FSIP1: variants seen among roughly 807,000 people sequenced by gnomAD.
FSIP1 encodes fibrous sheath interacting protein 1.
FSIP1 carries 65 observed loss-of-function variants against 60.9 expected under a neutral mutation model. The ratio of observed to expected loss-of-function variants is 1.07; its 90% CI spans 0.87 to 1.31. The LOEUF is 1.31. FSIP1 is among the 40% of genes most tolerant of loss of function. The pLI, the probability that FSIP1 is intolerant of heterozygous loss-of-function variation, is 0.00. For synonymous variants in FSIP1, 209 were observed against 221.2 expected, an observed-to-expected ratio of 0.94 and a Z score of 0.49; for missense variants, 675 against 665.5, an observed-to-expected ratio of 1.01 and a Z score of -0.16.
chr15:39,650,888 A>G (rs927878132), intron 10 of FSIP1, among the ~76,000 whole-genome samples: 1 of 152,262 alleles, frequency 6.6e-6, no homozygotes, highest in Admixed American at 6.5e-5. Flanking sequence ...AATAAAAACA[A>G]TTCCTATTAA....
At chr15:39,652,561 T>G (rs538405104) in intron 10 of FSIP1, among the ~76,000 whole-genome samples, 3 of 152,354 alleles carry the variant, frequency 2.0e-5, no homozygotes, top group African/African-American at 7.2e-5. Flanking sequence ...TCCATTTTTT[T>G]TCTTAATCTT....
chr15:39,713,773 G>A (rs143979942), intron 9 of FSIP1, among the ~76,000 whole-genome samples, 192 bp from the exon 10 acceptor site: 22 of 152,278 alleles, frequency 1.4e-4, no homozygotes, highest in Admixed American at 2.6e-4. Context: ...CATATAACAA[G>A]TAGGAAAGGA....
chr15:39,676,044 G>A (rs1893925168), intron 10 of FSIP1, among the ~76,000 whole-genome samples: 1 of 151,506 alleles, frequency 6.6e-6, no homozygotes, highest in African/African-American at 2.4e-5. Flanking sequence ...GTGGCAGTGT[G>A]TGCCTGTAGT....
rs539275492 is a variant in FSIP1 at position 39,744,121 on chromosome 15, G to A, written c.560-2221C>T. Among the ~76,000 whole-genome samples, 3 of 152,180 alleles carry A rather than the reference G, an allele frequency of 2.0e-5. No homozygotes were observed. The East Asian group carries it at 5.8e-4, about 29-fold the overall frequency. ...TATATGTGTGTCCTTGTGTGGAGAG[G>A]GAAAGAGAAAAGAGAATGTGGTAAA... On this transcript the variant is annotated intron_variant, in intron 5 of 11. Coordinates refer to ENST00000350221, the MANE Select transcript of FSIP1 (RefSeq NM_152597.5).
At chr15:39,751,031 C>T (rs1897146102) in intron 5 of FSIP1, among the ~76,000 whole-genome samples, 1 of 151,904 alleles carries the variant, frequency 6.6e-6, no homozygotes, top group Admixed American at 6.6e-5. Flanking sequence ...AGGTGCTCAA[C>T]ATCACTAATC....
chr15:39,749,281 G>A (rs915512105), intron 5 of FSIP1, among the ~76,000 whole-genome samples: 10 of 59,698 alleles, frequency 1.7e-4, no homozygotes, highest in African/African-American at 9.3e-4. Context: ...AAAAAACCAG[G>A]CTAGAGGGGA....
chr15:39,641,962 C>T (rs1892388100), intron 10 of FSIP1, among the ~76,000 whole-genome samples: 1 of 152,104 alleles, frequency 6.6e-6, no homozygotes, highest in African/African-American at 2.4e-5. Context: ...TATAGAAATG[C>T]AAATTGCAGT....
intron 10 of FSIP1, among the ~76,000 whole-genome samples, chr15:39,710,530 T>C (rs1380571478): frequency 1.3e-5 from 2 of 151,706 alleles, no homozygotes. Flanking sequence ...AAGTGTTGAC[T>C]ATAAAACACA....
chr15:39,765,049 C>T (rs1328250339), intron 4 of FSIP1, among the ~76,000 whole-genome samples: 1 of 152,090 alleles, frequency 6.6e-6, no homozygotes, highest in Non-Finnish European at 1.5e-5. Flanking sequence ...AACACGCCAG[C>T]GCAGTGCTTG....
chr15:39,669,191 C>T (rs1228195085), intron 10 of FSIP1, among the ~76,000 whole-genome samples: 1 of 152,102 alleles, frequency 6.6e-6, no homozygotes, highest in African/African-American at 2.4e-5. Flanking sequence ...TCCAAGGTGG[C>T]CCATATTCAG....
At chr15:39,631,312 G>A (rs1037477452) in intron 10 of FSIP1, among the ~76,000 whole-genome samples, 5 of 151,978 alleles carry the variant, frequency 3.3e-5, no homozygotes, top group African/African-American at 7.3e-5. Flanking sequence ...TCCAGAGCGC[G>A]CACTCCCCAC....
intron 2 of FSIP1, among the ~76,000 whole-genome samples, chr15:39,774,861 C>T (rs1348356151): frequency 6.6e-6 from 1 of 152,186 alleles, no homozygotes; most frequent in Non-Finnish European, 1.5e-5. Context: ...GCGGAAGCAG[C>T]AGCAGCAACT....
At position 39,645,458 on chromosome 15, in the gene FSIP1, T is replaced by C. The variant is rs76477693; in HGVS notation, c.1189-27213A>G. Among the ~76,000 whole-genome samples, 1,301 of 152,132 alleles carry C rather than the reference T, an allele frequency of 8.6e-3. 28 individuals carry two copies. The highest frequency in any genetic ancestry group is 0.03 in the African/African-American group (1,241 of 41,472). The stretch of plus-strand genomic sequence containing the variant: ...GGAGCCTCGCCCTCCTGGGTGAGGC[T>C]ACAGGCCACCTAAACTACAGCTGTG... On this transcript the variant is annotated intron_variant, in intron 10 of 11. Coordinates refer to ENST00000350221, the MANE Select transcript of FSIP1 (RefSeq NM_152597.5).
intron 10 of FSIP1, among the ~76,000 whole-genome samples, chr15:39,618,542 A>T (rs1431369886): frequency 6.6e-6 from 1 of 152,136 alleles, no homozygotes; most frequent in Non-Finnish European, 1.5e-5. Flanking sequence ...ACCTCTGGGG[A>T]TTCAGCACTC....
chr15:39,602,268 G>A (rs1180142217), intron 11 of FSIP1: 3 of 454,046 alleles, frequency 6.6e-6, no homozygotes, highest in Non-Finnish European at 8.9e-6. Flanking sequence ...AGACTGGAGT[G>A]ACGTGGCCAC....
rs1488567333 is a variant in FSIP1, at chr15:39,741,854, A to G, written c.606T>C (p.Thr202=). 2 of 1,607,298 alleles carry G rather than the reference A, an allele frequency of 1.2e-6. No individual in the cohort carries two copies. The highest frequency in any genetic ancestry group is 4.5e-5 in the East Asian group (2 of 44,744). The stretch of plus-strand genomic sequence containing the variant: ...TTTCATATTCTTCTGGAGGGATTTG[A>G]GTATGAAACACTGAGGAAAAGGTGT... The part of the protein sequence containing the change: ...EEDTFSSVFH[T]QIPPEEYEMQ... Residue 202 remains threonine (T), a synonymous_variant, in exon 6 of 12, where the codon ACT becomes ACC. Coordinates refer to ENST00000350221, the MANE Select transcript of FSIP1 (RefSeq NM_152597.5).
chr15:39,731,365 G>C (rs1002577533), intron 8 of FSIP1, among the ~76,000 whole-genome samples: 1 of 151,942 alleles, frequency 6.6e-6, no homozygotes, highest in Non-Finnish European at 1.5e-5. Flanking sequence ...ACAAACTCTG[G>C]TAATTTTTCC....
intron 1 of FSIP1, among the ~76,000 whole-genome samples, chr15:39,780,727 A>G (rs1188152273): frequency 6.6e-6 from 1 of 152,166 alleles, no homozygotes; most frequent in African/African-American, 2.4e-5. Flanking sequence ...ACTTCACACT[A>G]TAAAATTTTC....
intron 1 of FSIP1, among the ~76,000 whole-genome samples, chr15:39,778,646 T>G (rs1898142557): frequency 6.6e-6 from 1 of 152,196 alleles, no homozygotes. Flanking sequence ...ATAGTTATAA[T>G]TACGTAAGCA....
Sources: allele counts gnomAD v4.1 joint callset (sites outside exome capture counted in the v4.1 genomes callset), GRCh38; gene constraint gnomAD v4.1.1; transcripts MANE v1.5; gene names NCBI Gene and HGNC (gene_info 2026-07-23, HGNC 2026-07-21).